The following CCDC92 variants were observed in gnomAD, a reference collection of about 807,000 sequenced individuals.
CCDC92 encodes coiled-coil domain containing 92.
A neutral mutation model predicts 24.9 loss-of-function variants in CCDC92; 12 were observed. The observed-to-expected ratio is 0.48, with a 90% CI of 0.31 to 0.78. CCDC92 has a LOEUF of 0.78. Among genes scored for constraint, CCDC92 ranks in the 30% least tolerant of loss-of-function variants. The pLI is 0.05. For missense variants in CCDC92, 399 were observed against 439.4 expected, an observed-to-expected ratio of 0.91 and a Z score of 0.82; for synonymous variants, 193 against 196.3, an observed-to-expected ratio of 0.98 and a Z score of 0.14.
At chr12:123,954,774 G>T (rs906933759) in intron 1 of CCDC92, among the ~76,000 whole-genome samples, 1 of 152,222 alleles carries the variant, frequency 6.6e-6, no homozygotes, top group African/African-American at 2.4e-5. Flanking sequence ...TGTGTCGTGT[G>T]GTGCCTTCTG....
chr12:123,959,527 A>T (rs1216486803), intron 1 of CCDC92, among the ~76,000 whole-genome samples: 1 of 151,276 alleles, frequency 6.6e-6, no homozygotes, highest in African/African-American at 2.4e-5. Context: ...CTGGTTTCAA[A>T]CTCCTGACCT....
intron 1 of CCDC92, among the ~76,000 whole-genome samples, chr12:123,955,900 G>A (rs1383429382): frequency 3.9e-5 from 6 of 152,182 alleles, no homozygotes; most frequent in Non-Finnish European, 8.8e-5. Context: ...ATAAAGAGAC[G>A]TTATCCTTGT....
chr12:123,966,750 C>A (rs2138204499), intron 1 of CCDC92: 1 of 152,372 alleles, frequency 6.6e-6, no homozygotes, highest in Non-Finnish European at 1.5e-5. Flanking sequence ...GCAGGTCCCG[C>A]TGGCATCCTG....
In CCDC92 at chr12:123,937,410, T is replaced by C; in HGVS notation, c.644A>G (p.His215Arg). 1 of 1,613,738 alleles carries C rather than the reference T, an allele frequency of 6.2e-7. No individual in the cohort carries two copies. Among genetic ancestry groups the C allele is most frequent in the South Asian group, 1.1e-5 (1 of 91,056 alleles). ...RMKKSLSAPL[H>R]PEFEEVYRFG... Reference sequence around the variant, plus strand: ...TCTGTAGACCTCTTCAAATTCCGGGTGCAAGGGGGCTGAGAGGCTCTTTTT... The same window carrying C: ...TCTGTAGACCTCTTCAAATTCCGGGCGCAAGGGGGCTGAGAGGCTCTTTTT... Residue 215 changes from histidine (H) to arginine (R), a missense_variant, in exon 5 of 5, where the codon CAC becomes CGC. His to Arg is a conservative substitution (Grantham distance 29). Coordinates refer to ENST00000238156, the MANE Select transcript of CCDC92 (RefSeq NM_025140.3). This position sits in a 1 kb window ranked among gnomAD's most constrained non-coding sequence, Gnocchi z 8.4.
chr12:123,952,809 A>C (rs552231389), intron 1 of CCDC92, among the ~76,000 whole-genome samples: 19 of 152,394 alleles, frequency 1.2e-4, no homozygotes, highest in African/African-American at 4.6e-4. Flanking sequence ...GCAAAGGTGC[A>C]ATTATGTTTT....
Position 123,943,441 on chromosome 12 carries a change from G to C in CCDC92, c.87C>G (p.Ser29Arg), listed in dbSNP as rs541227181. Residue 29 changes from serine (S) to arginine (R), a missense_variant, in exon 3 of 5, where the codon AGC becomes AGG. By Grantham distance (110) the Ser-to-Arg change is moderately radical (BLOSUM62 -1). Coordinates refer to ENST00000238156, the MANE Select transcript of CCDC92 (RefSeq NM_025140.3). ...GAAGGAACAGGAGGTTCTTCTGTGC[G>C]CTGTGCAGCTGGTTCTCCAGGTTTG... ...AATNLENQLH[S>R]AQKNLLFLQR... The C allele has an allele frequency of 6.2e-7, 1 of 1,614,188 alleles. No individual in the cohort carries two copies. Among genetic ancestry groups the C allele is most frequent in the East Asian group, 2.2e-5 (1 of 44,888 alleles).
intron 1 of CCDC92, among the ~76,000 whole-genome samples, chr12:123,967,692 A>T (rs1435177792): frequency 6.6e-6 from 1 of 152,256 alleles, no homozygotes; most frequent in African/African-American, 2.4e-5. Flanking sequence ...CCTCTGCATT[A>T]TATCGAAGAT....
At chr12:123,972,208 C>A (rs938637128) in intron 1 of CCDC92, 1 of 152,074 alleles carries the variant, frequency 6.6e-6, no homozygotes, top group Non-Finnish European at 1.5e-5. Context: ...AGCCCCCTCC[C>A]CAGAAAGGGC....
intron 1 of CCDC92, among the ~76,000 whole-genome samples, chr12:123,963,447 A>G (rs1956321330): frequency 6.6e-6 from 1 of 152,208 alleles, no homozygotes; most frequent in Non-Finnish European, 1.5e-5. Flanking sequence ...CTTGTATCTT[A>G]CACGCTCAGC....
intron 1 of CCDC92, among the ~76,000 whole-genome samples, chr12:123,953,058 A>T: frequency 6.6e-6 from 1 of 152,172 alleles, no homozygotes; most frequent in East Asian, 1.9e-4. Context: ...TTTTTGTATA[A>T]AACATTTTGC....
intron 1 of CCDC92, among the ~76,000 whole-genome samples, chr12:123,961,969 C>T (rs1956281616): frequency 6.6e-6 from 1 of 152,190 alleles, no homozygotes; most frequent in South Asian, 2.1e-4. Context: ...CGAAATGCTG[C>T]AGCCCTCTAA....
At chr12:123,948,035 C>T (rs971116824) in intron 1 of CCDC92, among the ~76,000 whole-genome samples, 4 of 152,202 alleles carry the variant, frequency 2.6e-5, no homozygotes, top group African/African-American at 7.2e-5. Flanking sequence ...AGAGCTGTAA[C>T]ACTCACGGCG....
chr12:123,952,585 T>C (rs1368580982), intron 1 of CCDC92, among the ~76,000 whole-genome samples: 1 of 152,264 alleles, frequency 6.6e-6, no homozygotes, highest in Non-Finnish European at 1.5e-5. Context: ...CACAATGAAC[T>C]GGATAAATAG....
At chr12:123,938,685 G>A (rs1955597077) in intron 4 of CCDC92, among the ~76,000 whole-genome samples, 1 of 152,186 alleles carries the variant, frequency 6.6e-6, no homozygotes, top group South Asian at 2.1e-4. Context: ...CTTCCTTGCT[G>A]GTCTGGAATT....
intron 1 of CCDC92, among the ~76,000 whole-genome samples, chr12:123,948,959 G>A (rs1234056047): frequency 6.6e-6 from 1 of 152,174 alleles, no homozygotes; most frequent in Non-Finnish European, 1.5e-5. Flanking sequence ...AAGCCACCGA[G>A]GCATCCTGTT....
chr12:123,949,668 T>G (rs1431140208), intron 1 of CCDC92, among the ~76,000 whole-genome samples: 1 of 152,242 alleles, frequency 6.6e-6, no homozygotes, highest in African/African-American at 2.4e-5. Flanking sequence ...CTATGGCAAA[T>G]CCACTAGGTA....
chr12:123,949,799 C>T (rs939464), intron 1 of CCDC92, among the ~76,000 whole-genome samples: 6,280 of 152,294 alleles, frequency 0.041, 397 homozygotes, highest in African/African-American at 0.13. Flanking sequence ...GATGGGGAAG[C>T]GCACTGCCGT....
chr12:123,943,834 TG>T (rs1263004575), intron 2 of CCDC92: 2 of 454,126 alleles, frequency 4.4e-6, no homozygotes, highest in African/African-American at 3.9e-5. Flanking sequence ...TTCGCGAGCC[TG>T]GGGTCACACA....
At chr12:123,969,567 C>T (rs1370899142) in intron 1 of CCDC92, among the ~76,000 whole-genome samples, 1 of 139,052 alleles carries the variant, frequency 7.2e-6, no homozygotes, top group African/African-American at 2.7e-5. Context: ...CTCCTGGGTT[C>T]AAGCGATTCT....
Sources: gnomAD v4.1 joint callset for allele counts (sites outside exome capture counted in the v4.1 genomes callset) on GRCh38, gnomAD v4.1.1 for gene constraint, Gnocchi (gnomAD v3.1) non-coding constraint, MANE v1.5 for transcripts, NCBI Gene and HGNC (gene_info 2026-07-23, HGNC 2026-07-21) for gene names.